Variants in NRP1 observed in about 807,000 individuals in gnomAD.
NRP1 encodes the protein neuropilin 1.
In NRP1, 35 loss-of-function variants were observed where a neutral mutation model predicts 106.7. The observed-to-expected ratio is 0.33, with a 90% confidence interval of 0.25 to 0.43. NRP1 has a LOEUF of 0.43. Ranked by LOEUF, NRP1 falls within the 20% of genes least tolerant of loss-of-function variation. The pLI is 1.00. For missense variants in NRP1, 1,024 were observed against 1,170.4 expected, an observed-to-expected ratio of 0.87 and a Z score of 1.83; for synonymous variants, 437 against 417.9, an observed-to-expected ratio of 1.05 and a Z score of -0.56.
Position 33,334,505 on chromosome 10 carries a change from G to A in NRP1, c.-123C>T, listed in dbSNP as rs1848502089. The A allele has an allele frequency of 3.8e-6, 3 of 797,262 alleles. No homozygotes were observed. The highest frequency in any genetic ancestry group is 3.3e-5 in the South Asian group (2 of 60,276). 49.4% of individuals were successfully genotyped at this position (797,262 alleles called of 1,614,324 possible). ...TCCGCCTAGAGCTGTACAATCCTCAGCCCGTCTTGGAGAAAAGAAAGCAGC... is the reference window on the plus strand; with the variant it reads ...TCCGCCTAGAGCTGTACAATCCTCAACCCGTCTTGGAGAAAAGAAAGCAGC... On this transcript the variant is annotated 5_prime_UTR_variant, in exon 1 of 17. Transcript: ENST00000374867.
At chr10:33,252,820 A>G (rs1292212164) in intron 6 of NRP1, among the ~76,000 whole-genome samples, 3 of 152,240 alleles carry the variant, frequency 2.0e-5, no homozygotes, top group Non-Finnish European at 4.4e-5. Context: ...CTCACTCTCT[A>G]CATATTTCTC....
intron 3 of NRP1, among the ~76,000 whole-genome samples, chr10:33,266,446 T>C (rs1024032819): frequency 2.6e-5 from 4 of 152,214 alleles, no homozygotes; most frequent in Non-Finnish European, 4.4e-5. Flanking sequence ...AGTTGGACTT[T>C]AGAATTTGAA....
intron 2 of NRP1, among the ~76,000 whole-genome samples, chr10:33,276,949 T>A (rs12249588): frequency 7.2e-5 from 11 of 152,036 alleles, no homozygotes; most frequent in Admixed American, 2.0e-4. Flanking sequence ...AAAATTTTTT[T>A]AAAAACATTA....
chr10:33,272,250 T>C (rs1843359148), intron 2 of NRP1, among the ~76,000 whole-genome samples: 1 of 152,240 alleles, frequency 6.6e-6, no homozygotes, highest in South Asian at 2.1e-4. Context: ...GTTAAAACTG[T>C]GTGCCAGCTT....
chr10:33,311,544 A>G (rs889539880), intron 2 of NRP1, among the ~76,000 whole-genome samples: 1 of 152,162 alleles, frequency 6.6e-6, no homozygotes, highest in Admixed American at 6.5e-5. Flanking sequence ...TGTCTCTATC[A>G]CTATCGCTAT....
intron 4 of NRP1, 28 bp downstream of exon 4, chr10:33,263,618 T>C (rs35909241): frequency 6.4e-7 from 1 of 1,568,732 alleles, no homozygotes; most frequent in Non-Finnish European, 8.8e-7. Flanking sequence ...GAACCTTCCC[T>C]TTTTGGGGTG....
intron 6 of NRP1, among the ~76,000 whole-genome samples, chr10:33,239,718 C>A (rs758827895): frequency 9.2e-5 from 14 of 152,174 alleles, no homozygotes; most frequent in Non-Finnish European, 8.8e-5. Context: ...CCTGGAGTTA[C>A]CCCCAAAGGC....
intron 6 of NRP1, among the ~76,000 whole-genome samples, chr10:33,243,549 T>C (rs577606464): frequency 6.4e-4 from 98 of 152,324 alleles, no homozygotes; most frequent in Admixed American, 4.2e-3. Context: ...GTTTAAAGCA[T>C]TGGAATTGTA....
intron 6 of NRP1, among the ~76,000 whole-genome samples, chr10:33,245,387 G>A (rs1216186060): frequency 2.0e-5 from 3 of 152,144 alleles, no homozygotes; most frequent in Admixed American, 6.5e-5. Context: ...ATCTTGCACA[G>A]GTCAATCCCT....
chr10:33,296,548 C>G (rs1414034679), intron 2 of NRP1, among the ~76,000 whole-genome samples: 1 of 152,114 alleles, frequency 6.6e-6, no homozygotes, highest in Non-Finnish European at 1.5e-5. Context: ...CCAGCAGTAA[C>G]TGCTCAGCTG....
At position 33,177,718 on chromosome 10, in the gene NRP1, A is replaced by G. The variant is rs1835461216; in HGVS notation, c.*2358T>C. 6.6e-6 allele frequency: 1 copy of G among 152,666 alleles called. No homozygotes were observed. Among genetic ancestry groups the G allele is most frequent in the African/African-American group, 2.4e-5 (1 of 41,466 alleles). 9.5% of individuals were successfully genotyped at this position (152,666 alleles called of 1,614,324 possible). A position where few individuals can be genotyped will look rare whatever the true frequency, so the allele number is the denominator to read the frequency against. On this transcript the variant is annotated 3_prime_UTR_variant, in exon 17 of 17. Transcript: ENST00000374867. ...AATTTCTGTAAAAAAAATCTGCACA[A>G]AATCTTATGATGGTACAAAACATGA...
intron 4 of NRP1, among the ~76,000 whole-genome samples, chr10:33,261,488 C>T (rs1487490588): frequency 6.6e-6 from 1 of 152,166 alleles, no homozygotes; most frequent in Non-Finnish European, 1.5e-5. Context: ...GGAAATCAAT[C>T]AGAACTCTGG....
chr10:33,180,868 C>A (rs1164799516), intron 16 of NRP1, among the ~76,000 whole-genome samples: 1 of 152,178 alleles, frequency 6.6e-6, no homozygotes, highest in African/African-American at 2.4e-5. Flanking sequence ...TATGGAAAAT[C>A]TTCAAGTGAA....
At chr10:33,188,934 T>TATATATATATATATATATATATAA (rs1564364494) in intron 13 of NRP1, among the ~76,000 whole-genome samples, 2 of 144,308 alleles carry the variant, frequency 1.4e-5, no homozygotes, top group African/African-American at 5.2e-5. Flanking sequence ...TATATATATA[T>TATATATATATATATATATATATAA]ATAAATTAAA....
At chr10:33,287,378 G>C (rs1844644539) in intron 2 of NRP1, among the ~76,000 whole-genome samples, 1 of 152,164 alleles carries the variant, frequency 6.6e-6, no homozygotes, top group South Asian at 2.1e-4. Context: ...CAGAAGCTCT[G>C]ATTTCTACTC....
chr10:33,213,090 G>A, intron 9 of NRP1: 1 of 691,968 alleles, frequency 1.4e-6, no homozygotes. Flanking sequence ...CTGGCTGGAT[G>A]GCTGCTGTCA....
chr10:33,179,784 G>A lies in NRP1; in HGVS notation c.*292C>T, dbSNP rs1027391238. 13 of 358,200 alleles carry A rather than the reference G, an allele frequency of 3.6e-5. No homozygotes were observed. Among genetic ancestry groups the A allele is most frequent in the East Asian group, 1.1e-4 (2 of 18,688 alleles). 22.2% of individuals were successfully genotyped at this position (358,200 alleles called of 1,614,324 possible). The stretch of plus-strand genomic sequence containing the variant: ...AAGGGGAGAGGAGAGAGAGAGAGAG[G>A]GGCAGGAGGGGTCGAAATGAATGAT... On this transcript the variant is annotated 3_prime_UTR_variant, in exon 17 of 17. Transcript: ENST00000374867.
At chr10:33,238,790 T>A (rs1252198299) in intron 6 of NRP1, among the ~76,000 whole-genome samples, 1 of 152,154 alleles carries the variant, frequency 6.6e-6, no homozygotes, top group African/African-American at 2.4e-5. Context: ...CCTCATTTAG[T>A]CATTCTGCAT....
At position 33,198,142 on chromosome 10, in the gene NRP1, A is replaced by ATTT. The variant is rs141083404; in HGVS notation, c.1865-434_1865-433insAAA. Among the ~76,000 whole-genome samples the ATTT allele has an allele frequency of 8.2e-4, 47 of 57,654 alleles. 1 individual carries two copies. Among genetic ancestry groups the ATTT allele is most frequent in the South Asian group, 5.7e-3 (9 of 1,592 alleles). The allele number at this position is 57,654 out of a possible 152,430, so 37.8% of individuals were successfully genotyped here. A position where few individuals can be genotyped will look rare whatever the true frequency, so the allele number is the denominator to read the frequency against. On this transcript the variant is annotated intron_variant, in intron 11 of 16. Transcript: ENST00000374867. ...GCAATTTTCTTTTTTTTAAATTTTTAAATTTTTTTTTTTTTTTGAGATGGA... is the reference window on the plus strand; with the variant it reads ...GCAATTTTCTTTTTTTTAAATTTTTATTTAATTTTTTTTTTTTTTTGAGATGGA...
Sources: allele counts gnomAD v4.1 joint callset (sites outside exome capture counted in the v4.1 genomes callset), GRCh38; gene constraint gnomAD v4.1.1; transcripts MANE v1.5; gene names NCBI Gene and HGNC (gene_info 2026-07-23, HGNC 2026-07-21).